Variants in RBFOX3 observed in about 807,000 individuals in gnomAD.
RBFOX3 encodes RNA binding fox-1 homolog 3, also known as RNA binding protein fox-1 homolog 3.
RBFOX3 carries 17 observed loss-of-function variants against 48.7 expected under a neutral mutation model. That is an observed-to-expected ratio of 0.35 (90% CI 0.24 to 0.52). RBFOX3 has a LOEUF of 0.52. RBFOX3 is among the 20% of genes least tolerant of loss of function. The pLI is 0.94. For missense variants in RBFOX3, 382 were observed against 497.5 expected (o/e 0.77, Z 2.21); for synonymous variants, 212 against 209.5 (o/e 1.01, Z -0.10).
intron 2 of RBFOX3, among the ~76,000 whole-genome samples, chr17:79,452,138 A>T (rs782643505): frequency 6.6e-6 from 1 of 152,202 alleles, no homozygotes; most frequent in Non-Finnish European, 1.5e-5. Flanking sequence ...GGGCAGACGG[A>T]AGCATGGAGG....
chr17:79,455,678 A>G (rs941329767), intron 2 of RBFOX3, among the ~76,000 whole-genome samples: 14 of 152,082 alleles, frequency 9.2e-5, no homozygotes, highest in African/African-American at 3.4e-4. Context: ...CACTTCCACA[A>G]TCACATTCAC....
chr17:79,611,698 G>T (rs1179712101), upstream of RBFOX3, among the ~76,000 whole-genome samples: 9 of 152,188 alleles, frequency 5.9e-5, no homozygotes. Flanking sequence ...CGCATGCCAT[G>T]CCATGCCTTT....
intron 2 of RBFOX3, among the ~76,000 whole-genome samples, chr17:79,395,814 G>A (rs1251416790): frequency 4.6e-5 from 7 of 152,344 alleles, no homozygotes; most frequent in East Asian, 1.9e-4. Flanking sequence ...AGGCTGCCTC[G>A]GTGACTCAGG....
rs1294625969 is a variant in RBFOX3 at position 79,273,568 on chromosome 17, T to G, written c.-74+34156A>C. 9.2e-5 allele frequency among the ~76,000 whole-genome samples: 6 copies of G among 65,410 alleles called. No individual in the cohort carries two copies. The East Asian group carries it at 2.3e-3, about 25-fold the overall frequency. 42.9% of individuals were successfully genotyped at this position (65,410 alleles called of 152,430 possible). On this transcript the variant is annotated intron_variant, in intron 3 of 14. Coordinates refer to ENST00000693108, the MANE Select transcript of RBFOX3 (RefSeq NM_001350451.2). ...GCAGGCTATAGGGTAAACAGTGCTC[T>G]GGGGGGGGCGGGGGCGGGGTGCTAG...
Position 79,315,941 on chromosome 17 carries a change from C to T in RBFOX3, c.-174-8117G>A, listed in dbSNP as rs560387103. 4.3e-4 allele frequency among the ~76,000 whole-genome samples: 66 copies of T among 152,200 alleles called. 1 individual carries two copies. The highest frequency in any genetic ancestry group is 1.8e-3 in the Admixed American group (27 of 15,296). The stretch of plus-strand genomic sequence containing the variant: ...AGATTGGATTGGAAACAATTCACTC[C>T]GCAAGGGGTGGGTCCGCCAGCAGCT... On this transcript the variant is annotated intron_variant, in intron 2 of 14. Transcript: ENST00000693108.
chr17:79,301,829 A>C (rs1459351362), intron 3 of RBFOX3, among the ~76,000 whole-genome samples: 1 of 152,248 alleles, frequency 6.6e-6, no homozygotes, highest in Non-Finnish European at 1.5e-5. Flanking sequence ...CGAAGATCTT[A>C]TGCTGAGTGA....
rs2088652276 is a variant in RBFOX3 at position 79,535,919 on chromosome 17, T to G, written c.-319-53321A>C. Among the ~76,000 whole-genome samples the G allele has an allele frequency of 6.6e-6, 1 of 152,148 alleles. No homozygotes were observed. The highest frequency in any genetic ancestry group is 1.5e-5 in the Non-Finnish European group (1 of 68,016). On this transcript the variant is annotated intron_variant, in intron 1 of 14. Coordinates refer to ENST00000693108, the MANE Select transcript of RBFOX3 (RefSeq NM_001350451.2). The surrounding 1 kb of genome is among the most constrained non-coding windows in gnomAD (Gnocchi z 4.5). ...CCCCCAGCCACTGCACCCCTGCCCG[T>G]GACCAGTAGCGGCAGGGTCATCTCC...
At position 79,431,985 on chromosome 17, in the gene RBFOX3, C is replaced by T. The variant is rs781922239; in HGVS notation, c.-175+50469G>A. ...TTCTCTCTCAGGCCCTGGTAAACAC[C>T]GACGTAATTTCTGTCTCTATGAATG... On this transcript the variant is annotated intron_variant, in intron 2 of 14. Transcript: ENST00000693108. Among the ~76,000 whole-genome samples the T allele has an allele frequency of 7.9e-5, 12 of 152,186 alleles. No individual in the cohort carries two copies. The East Asian group carries it at 1.5e-3, about 20-fold the overall frequency.
chr17:79,265,802 G>A (rs189091872), intron 3 of RBFOX3, among the ~76,000 whole-genome samples: 7 of 152,274 alleles, frequency 4.6e-5, no homozygotes, highest in South Asian at 2.1e-4. Context: ...GAGAGCCTGC[G>A]GCTGGGCAGG....
upstream of RBFOX3, among the ~76,000 whole-genome samples, chr17:79,613,677 A>G (rs1599295118): frequency 6.6e-6 from 1 of 152,174 alleles, no homozygotes; most frequent in African/African-American, 2.4e-5. Context: ...CTACAAAGAG[A>G]AAATTTTAAA....
At chr17:79,097,808 T>A in intron 9 of RBFOX3, 63 bp from the exon 10 acceptor site, 1 of 1,505,544 alleles carries the variant, frequency 6.6e-7, no homozygotes, top group Non-Finnish European at 9.0e-7. Context: ...CCAAAACGTA[T>A]GCCTGGGAAC....
the RBFOX3 span, among the ~76,000 whole-genome samples, chr17:79,640,340 G>A: frequency 2.6e-5 from 4 of 152,126 alleles, no homozygotes; most frequent in Admixed American, 2.6e-4. Flanking sequence ...CTGTGTTCAT[G>A]GATTGGAATA....
intron 12 of RBFOX3, 25 bp from the exon 13 acceptor site, chr17:79,095,599 G>C: frequency 6.5e-7 from 1 of 1,547,126 alleles, no homozygotes; most frequent in Non-Finnish European, 8.7e-7. Flanking sequence ...GGAGGAGAGA[G>C]AGCAGAGGGA....
chr17:79,171,449 C>G (rs2049263315), intron 4 of RBFOX3, among the ~76,000 whole-genome samples: 1 of 152,144 alleles, frequency 6.6e-6, no homozygotes, highest in Non-Finnish European at 1.5e-5. Context: ...CTCATTTCTG[C>G]CGTCGCCAGG....
At position 79,431,882 on chromosome 17, in the gene RBFOX3, C is replaced by T. The variant is rs150683947; in HGVS notation, c.-175+50572G>A. Among the ~76,000 whole-genome samples the T allele has an allele frequency of 4.0e-3, 611 of 152,342 alleles. 8 individuals are homozygous for T. The highest frequency in any genetic ancestry group is 0.034 in the South Asian group (166 of 4,826). ...AACATTTGCTTTGCTGTCCAGCCATCGCCACCTTCCATCTCCAGAATGCTT... is the reference window on the plus strand; with the variant it reads ...AACATTTGCTTTGCTGTCCAGCCATTGCCACCTTCCATCTCCAGAATGCTT... On this transcript the variant is annotated intron_variant, in intron 2 of 14. Transcript: ENST00000693108.
chr17:79,169,658 A>G (rs1264748862), intron 4 of RBFOX3, among the ~76,000 whole-genome samples: 1 of 152,158 alleles, frequency 6.6e-6, no homozygotes, highest in Non-Finnish European at 1.5e-5. Context: ...CAAAAGGCAA[A>G]TCCACAGAGG....
At chr17:79,625,329 G>C in the RBFOX3 span, among the ~76,000 whole-genome samples, 1 of 152,184 alleles carries the variant, frequency 6.6e-6, no homozygotes, top group Non-Finnish European at 1.5e-5. Context: ...CCATGCCCTT[G>C]CCTGCACCAA....
At chr17:79,453,980 C>T (rs1460264016) in intron 2 of RBFOX3, among the ~76,000 whole-genome samples, 2 of 152,154 alleles carry the variant, frequency 1.3e-5, no homozygotes, top group African/African-American at 4.8e-5. Flanking sequence ...GTGCTAGGTG[C>T]CATGTGCCCC....
At position 79,089,582 on chromosome 17, in the gene RBFOX3, A is replaced by G. The variant is rs2073541505; in HGVS notation, c.*1301T>C. ...GGAGGCAGGGCGTGGGGCTATGTACAACGGGAATAGAAAAGGAGAATTCCA... is the reference window on the plus strand; with the variant it reads ...GGAGGCAGGGCGTGGGGCTATGTACGACGGGAATAGAAAAGGAGAATTCCA... On this transcript the variant is annotated 3_prime_UTR_variant, in exon 15 of 15. Coordinates refer to ENST00000693108, the MANE Select transcript of RBFOX3 (RefSeq NM_001350451.2). 6.6e-6 allele frequency: 1 copy of G among 152,612 alleles called. No individual in the cohort carries two copies. The highest frequency in any genetic ancestry group is 1.5e-5 in the Non-Finnish European group (1 of 68,082). 9.5% of individuals were successfully genotyped at this position (152,612 alleles called of 1,614,324 possible). A position where few individuals can be genotyped will look rare whatever the true frequency, so the allele number is the denominator to read the frequency against.
Sources: gnomAD v4.1 joint callset for allele counts (sites outside exome capture counted in the v4.1 genomes callset) on GRCh38, gnomAD v4.1.1 for gene constraint, Gnocchi (gnomAD v3.1) non-coding constraint, MANE v1.5 for transcripts, NCBI Gene and HGNC (gene_info 2026-07-23, HGNC 2026-07-21) for gene names.